TEX9: variants seen among roughly 807,000 people sequenced by gnomAD.
TEX9 encodes the protein testis-expressed protein 9.
A neutral mutation model predicts 59.6 loss-of-function variants in TEX9; 74 were observed. The observed-to-expected ratio is 1.24, with a 90% CI of 1.03 to 1.51. TEX9 has a LOEUF of 1.51. Among genes scored for constraint, TEX9 ranks in the 40% most tolerant of loss-of-function variants. TEX9 has a pLI of 0.00. For missense variants in TEX9, 522 were observed against 447.8 expected (o/e 1.17, Z -1.49); for synonymous variants, 186 against 152.2 (o/e 1.22, Z -1.64).
At chr15:56,443,433 T>C (rs1216070170) in intron 12 of TEX9, 11 of 1,562,254 alleles carry the variant, frequency 7.0e-6, no homozygotes, top group Non-Finnish European at 8.6e-6. Context: ...AACTTACTTT[T>C]AGCTTGCTCT....
chr15:56,272,994 T>C (rs936027092), intron 1 of TEX9, among the ~76,000 whole-genome samples: 1 of 151,628 alleles, frequency 6.6e-6, no homozygotes, highest in Non-Finnish European at 1.5e-5. Context: ...TCACCCAAAC[T>C]GGAGGCTGGA....
At chr15:56,429,161 C>CAGATCAATATCATCCTCTT (rs1463136596) in intron 12 of TEX9, 2 of 1,601,450 alleles carry the variant, frequency 1.2e-6, no homozygotes, top group Non-Finnish European at 1.7e-6. Context: ...CTTCACCAAG[C>CAGATCAATATCATCCTCTT]AGATCAATAT....
At chr15:56,334,644 G>A (rs1436469211) in intron 1 of TEX9, among the ~76,000 whole-genome samples, 1 of 151,896 alleles carries the variant, frequency 6.6e-6, no homozygotes, top group Non-Finnish European at 1.5e-5. Context: ...AAGCAAAAAT[G>A]GACAAATGGG....
intron 9 of TEX9, among the ~76,000 whole-genome samples, chr15:56,403,039 G>A (rs1372601798): frequency 1.3e-5 from 2 of 152,152 alleles, no homozygotes; most frequent in Non-Finnish European, 2.9e-5. Flanking sequence ...TACTAAATGG[G>A]CAAAAACTGG....
intron 1 of TEX9, among the ~76,000 whole-genome samples, chr15:56,281,194 G>A (rs569587071): frequency 4.6e-5 from 7 of 152,234 alleles, no homozygotes; most frequent in African/African-American, 1.7e-4. Flanking sequence ...GTTGCAGAAC[G>A]GTGAGGGGAA....
At chr15:56,426,761 A>AATGACTTCCTTTAATCTTTCAAG (rs2050301984) in intron 10 of TEX9, among the ~76,000 whole-genome samples, 1 of 150,896 alleles carries the variant, frequency 6.6e-6, no homozygotes, top group Non-Finnish European at 1.5e-5. Flanking sequence ...CTTTTGTATG[A>AATGACTTCCTTTAATCTTTCAAG]ATGACTTCCT....
chr15:56,302,666 A>G (rs1335720731), intron 1 of TEX9, among the ~76,000 whole-genome samples: 2 of 152,232 alleles, frequency 1.3e-5, no homozygotes, highest in Non-Finnish European at 2.9e-5. Flanking sequence ...CAAAACAACC[A>G]GATAACAAAT....
intron 6 of TEX9, among the ~76,000 whole-genome samples, chr15:56,390,692 A>G (rs1290976118): frequency 1.3e-5 from 2 of 151,960 alleles, no homozygotes; most frequent in African/African-American, 4.8e-5. Context: ...GTGGTTAAGA[A>G]TGTGTTTCTT....
chr15:56,359,076 T>C (rs1301010524), intron 1 of TEX9, among the ~76,000 whole-genome samples: 1 of 152,166 alleles, frequency 6.6e-6, no homozygotes, highest in African/African-American at 2.4e-5. Flanking sequence ...ACAAAGCTGT[T>C]ATATCTCTTT....
chr15:56,341,896 A>C (rs1420681487), intron 1 of TEX9, among the ~76,000 whole-genome samples: 1 of 152,162 alleles, frequency 6.6e-6, no homozygotes, highest in Non-Finnish European at 1.5e-5. Flanking sequence ...TTAGAGATAG[A>C]GGTGGAAAAG....
intron 3 of TEX9, among the ~76,000 whole-genome samples, chr15:56,381,395 G>C (rs945316241): frequency 3.9e-5 from 6 of 152,018 alleles, no homozygotes; most frequent in South Asian, 2.1e-4. Context: ...TCCAGGATTG[G>C]TCTCTGGTGT....
intron 1 of TEX9, among the ~76,000 whole-genome samples, chr15:56,245,095 G>A (rs2043816521): frequency 6.6e-6 from 1 of 152,136 alleles, no homozygotes; most frequent in Non-Finnish European, 1.5e-5. Context: ...CCACTTTCCT[G>A]CTGTGTGTGG....
At chr15:56,394,935 A>T in intron 9 of TEX9, 101 bp downstream of exon 9, 1 of 1,151,686 alleles carries the variant, frequency 8.7e-7, no homozygotes, top group South Asian at 1.8e-5. Context: ...CAGTTATTTT[A>T]TTAGTATTTA....
chr15:56,374,317 G>T (rs984271080), intron 3 of TEX9: 3 of 152,078 alleles, frequency 2.0e-5, no homozygotes, highest in Admixed American at 6.6e-5. Flanking sequence ...TAGGAAAGGG[G>T]TTGGGGAATG....
intron 1 of TEX9, among the ~76,000 whole-genome samples, chr15:56,309,576 A>T (rs1277465241): frequency 2.6e-5 from 4 of 152,034 alleles, no homozygotes; most frequent in Admixed American, 2.6e-4. Context: ...TGAATTGGCA[A>T]GTATTCTCTC....
chr15:56,418,358 G>A (rs927203868), intron 10 of TEX9, among the ~76,000 whole-genome samples: 3 of 151,660 alleles, frequency 2.0e-5, no homozygotes, highest in Non-Finnish European at 2.9e-5. Flanking sequence ...CAAGAGCTTT[G>A]GTAAGGCAGG....
At chr15:56,377,654 C>T (rs1027777299) in intron 3 of TEX9, among the ~76,000 whole-genome samples, 1 of 152,020 alleles carries the variant, frequency 6.6e-6, no homozygotes, top group Non-Finnish European at 1.5e-5. Context: ...TTAGGTTTTT[C>T]CAAATATAAG....
chr15:56,400,783 T>C (rs2048728738), intron 9 of TEX9, among the ~76,000 whole-genome samples: 2 of 152,042 alleles, frequency 1.3e-5, no homozygotes, highest in Admixed American at 1.3e-4. Context: ...TAACGGGAGA[T>C]CTCTCAGCAG....
At chr15:56,399,065 G>T (rs556233503) in intron 9 of TEX9, among the ~76,000 whole-genome samples, 99 of 152,310 alleles carry the variant, frequency 6.5e-4, no homozygotes, top group African/African-American at 2.2e-3. Flanking sequence ...GGTGATTTCT[G>T]CATTTCCAAC....
Sources: gnomAD v4.1 joint callset for allele counts (sites outside exome capture counted in the v4.1 genomes callset) on GRCh38, gnomAD v4.1.1 for gene constraint, MANE v1.5 for transcripts, NCBI Gene and HGNC (gene_info 2026-07-23, HGNC 2026-07-21) for gene names.